Variants in C7orf78 observed in about 807,000 individuals in gnomAD.
C7orf78 encodes chromosome 7 open reading frame 78.
chr7:12,487,285 G>A, the C7orf78 span, among the ~76,000 whole-genome samples: 2 of 152,026 alleles, frequency 1.3e-5, no homozygotes, highest in African/African-American at 4.8e-5. Flanking sequence ...AGAGAAGTCA[G>A]GGATTAAATT....
At chr7:12,533,644 G>A in the C7orf78 span, among the ~76,000 whole-genome samples, 1 of 151,654 alleles carries the variant, frequency 6.6e-6, no homozygotes, top group Non-Finnish European at 1.5e-5. Flanking sequence ...AGCCTCCAGA[G>A]TAGCTGGGAC....
the C7orf78 span, among the ~76,000 whole-genome samples, chr7:12,519,427 A>G: frequency 1.3e-5 from 2 of 152,190 alleles, no homozygotes; most frequent in Non-Finnish European, 2.9e-5. Context: ...ATCCTAGCAC[A>G]GAGTCCACTC....
chr7:12,513,080 T>C, the C7orf78 span, among the ~76,000 whole-genome samples: 8,890 of 152,140 alleles, frequency 0.058, 304 homozygotes, highest in African/African-American at 0.098. Flanking sequence ...TTCTATCTAG[T>C]GGTTCATCGA....
chr7:12,520,378 G>A, the C7orf78 span, among the ~76,000 whole-genome samples: 1 of 152,176 alleles, frequency 6.6e-6, no homozygotes, highest in Non-Finnish European at 1.5e-5. Flanking sequence ...ATTTATTGCT[G>A]TAAACTTCCT....
At chr7:12,528,380 T>A in the C7orf78 span, among the ~76,000 whole-genome samples, 6 of 149,646 alleles carry the variant, frequency 4.0e-5, no homozygotes, top group East Asian at 2.0e-4. Context: ...GTATATGCTA[T>A]GTGTCACTCA....
chr7:12,490,455 C>T, the C7orf78 span, among the ~76,000 whole-genome samples: 1 of 151,948 alleles, frequency 6.6e-6, no homozygotes, highest in South Asian at 2.1e-4. Context: ...TCAAGAAGGC[C>T]ATGAAAACAG....
At chr7:12,489,431 T>C in the C7orf78 span, among the ~76,000 whole-genome samples, 1 of 152,168 alleles carries the variant, frequency 6.6e-6, no homozygotes, top group Admixed American at 6.6e-5. Context: ...AGAAGCAGAA[T>C]TCCGTATAGG....
chr7:12,510,594 A>G, the C7orf78 span, among the ~76,000 whole-genome samples: 1 of 152,156 alleles, frequency 6.6e-6, no homozygotes, highest in Non-Finnish European at 1.5e-5. Context: ...TGTCCTGGAT[A>G]ATAGCCATTC....
the C7orf78 span, chr7:12,507,404 A>T: frequency 3.5e-4 from 63 of 180,800 alleles, no homozygotes; most frequent in East Asian, 8.0e-3. Flanking sequence ...GACAGCCATG[A>T]GGCCAGCACT....
the C7orf78 span, among the ~76,000 whole-genome samples, chr7:12,500,473 AATCTAGAAG>A: frequency 1.1e-4 from 16 of 150,442 alleles, no homozygotes; most frequent in Non-Finnish European, 1.6e-4. Context: ...TAAACTAGAA[AATCTAGAAG>A]AAATGGATAA....
the C7orf78 span, among the ~76,000 whole-genome samples, chr7:12,495,625 T>A: frequency 2.0e-5 from 3 of 152,218 alleles, no homozygotes; most frequent in Non-Finnish European, 1.5e-5. Flanking sequence ...ATATTACTTA[T>A]TTTTTCCAAG....
the C7orf78 span, among the ~76,000 whole-genome samples, chr7:12,540,531 A>G: frequency 6.6e-6 from 1 of 152,218 alleles, no homozygotes; most frequent in South Asian, 2.1e-4. Context: ...TTATAATTTT[A>G]TAAGCTGGGA....
chr7:12,511,563 C>T, the C7orf78 span, among the ~76,000 whole-genome samples: 1 of 152,078 alleles, frequency 6.6e-6, no homozygotes, highest in African/African-American at 2.4e-5. Flanking sequence ...TGTTTTGTAG[C>T]TTTCCTTATA....
the C7orf78 span, among the ~76,000 whole-genome samples, chr7:12,490,291 A>G: frequency 6.6e-6 from 1 of 152,066 alleles, no homozygotes; most frequent in South Asian, 2.1e-4. Flanking sequence ...CTTTAACATG[A>G]TAATTATGCC....
At chr7:12,540,775 G>T in the C7orf78 span, 1 of 152,184 alleles carries the variant, frequency 6.6e-6, no homozygotes, top group African/African-American at 2.4e-5. Context: ...AGTTATTTCT[G>T]TAGTGAATAA....
chr7:12,503,868 G>C, the C7orf78 span, among the ~76,000 whole-genome samples: 1 of 152,214 alleles, frequency 6.6e-6, no homozygotes, highest in African/African-American at 2.4e-5. Flanking sequence ...CCATCAATTT[G>C]GGAGGCTGAG....
At chr7:12,532,725 A>G in the C7orf78 span, among the ~76,000 whole-genome samples, 1 of 152,262 alleles carries the variant, frequency 6.6e-6, no homozygotes, top group African/African-American at 2.4e-5. Flanking sequence ...ATGAATAACA[A>G]TTCAAAACTA....
At chr7:12,532,283 C>A in the C7orf78 span, among the ~76,000 whole-genome samples, 2 of 152,194 alleles carry the variant, frequency 1.3e-5, no homozygotes, top group Non-Finnish European at 2.9e-5. Flanking sequence ...GGCATGGTGG[C>A]TCACGCCTGT....
At chr7:12,539,381 A>G in the C7orf78 span, among the ~76,000 whole-genome samples, 112,003 of 151,942 alleles carry the variant, frequency 0.74, 41,449 homozygotes, top group Middle Eastern at 0.87. Flanking sequence ...GGAGAATGGC[A>G]TGAACCTGGG....
Sources: allele counts gnomAD v4.1 joint callset (sites outside exome capture counted in the v4.1 genomes callset), GRCh38; gene constraint gnomAD v4.1.1; transcripts MANE v1.5; gene names NCBI Gene and HGNC (gene_info 2026-07-23, HGNC 2026-07-21).